PTPRM: variants seen among roughly 807,000 people sequenced by gnomAD.
PTPRM encodes the protein receptor-type tyrosine-protein phosphatase mu.
A neutral mutation model predicts 186.7 loss-of-function variants in PTPRM; 47 were observed. The observed-to-expected ratio is 0.25, with a 90% confidence interval of 0.20 to 0.32. The LOEUF (loss-of-function observed/expected upper bound fraction) is 0.32, where lower values mean the gene tolerates loss of function less well. Among genes scored for constraint, PTPRM ranks in the 10% least tolerant of loss-of-function variants. The pLI, the probability that PTPRM is intolerant of heterozygous loss-of-function variation, is 1.00. For missense variants in PTPRM, 1,494 were observed against 1,865.0 expected (o/e 0.80, Z 3.66); for synonymous variants, 668 against 674.9 (o/e 0.99, Z 0.16).
At chr18:7,657,931 A>G (rs1199054267) in intron 1 of PTPRM, among the ~76,000 whole-genome samples, 1 of 152,200 alleles carries the variant, frequency 6.6e-6, no homozygotes, top group Non-Finnish European at 1.5e-5. Context: ...TAGCAAATAA[A>G]AATTGTGTAT....
intron 7 of PTPRM, among the ~76,000 whole-genome samples, chr18:8,043,905 A>G (rs2086848781): frequency 6.6e-6 from 1 of 152,108 alleles, no homozygotes; most frequent in African/African-American, 2.4e-5. Context: ...ATCCATGTGA[A>G]ACCATCTGGG....
intron 1 of PTPRM, among the ~76,000 whole-genome samples, chr18:7,697,994 TAACAG>T (rs1356721328): frequency 6.6e-6 from 1 of 152,232 alleles, no homozygotes; most frequent in East Asian, 1.9e-4. Context: ...TTTGATGTGT[TAACAG>T]AAGAAATGTG....
At chr18:7,717,432 C>T (rs980924851) in intron 1 of PTPRM, among the ~76,000 whole-genome samples, 1 of 152,140 alleles carries the variant, frequency 6.6e-6, no homozygotes, top group Non-Finnish European at 1.5e-5. Context: ...CTTTTTGTCT[C>T]CCCTTCCTGC....
intron 19 of PTPRM, among the ~76,000 whole-genome samples, chr18:8,275,082 A>T (rs1225480807): frequency 6.6e-6 from 1 of 152,234 alleles, no homozygotes; most frequent in Non-Finnish European, 1.5e-5. Flanking sequence ...GATCATAAAA[A>T]TCAAAGCATC....
chr18:8,171,471 A>G (rs938302930), intron 14 of PTPRM, among the ~76,000 whole-genome samples: 2 of 152,154 alleles, frequency 1.3e-5, no homozygotes, highest in Admixed American at 6.6e-5. Context: ...AGGAAATGTC[A>G]CTCTGTAAAC....
chr18:7,577,663 TA>T (rs1360617986), intron 1 of PTPRM, among the ~76,000 whole-genome samples: 1 of 152,214 alleles, frequency 6.6e-6, no homozygotes, highest in African/African-American at 2.4e-5. Context: ...AACAACCTCA[TA>T]AACTGTGTTT....
chr18:8,243,990 A>G (rs1314326486), intron 14 of PTPRM, 68 bp from the exon 15 acceptor site: 1 of 1,430,422 alleles, frequency 7.0e-7, no homozygotes, highest in African/African-American at 1.5e-5. Context: ...AACATCTGTC[A>G]ATATACATGC....
At chr18:8,223,998 TAG>T (rs1413265540) in intron 14 of PTPRM, among the ~76,000 whole-genome samples, 1 of 152,180 alleles carries the variant, frequency 6.6e-6, no homozygotes, top group Admixed American at 6.5e-5. Context: ...AGAAGTATGG[TAG>T]AGTCTTTCTC....
intron 20 of PTPRM, among the ~76,000 whole-genome samples, chr18:8,305,060 T>C (rs1021856515): frequency 1.3e-5 from 2 of 152,090 alleles, no homozygotes; most frequent in African/African-American, 4.8e-5. Flanking sequence ...TAGACTCTTA[T>C]TAGACATGCT....
chr18:8,094,198 A>G (rs1001399123), intron 11 of PTPRM, among the ~76,000 whole-genome samples: 1 of 152,148 alleles, frequency 6.6e-6, no homozygotes, highest in African/African-American at 2.4e-5. Flanking sequence ...CTTGCAATGC[A>G]AAGTTTACCT....
intron 7 of PTPRM, among the ~76,000 whole-genome samples, chr18:8,008,534 A>C (rs2084325915): frequency 6.6e-6 from 1 of 152,206 alleles, no homozygotes; most frequent in African/African-American, 2.4e-5. Flanking sequence ...TTAGTTCAAA[A>C]CTTAAATAAC....
At chr18:7,907,930 A>G (rs536535316) in intron 4 of PTPRM, among the ~76,000 whole-genome samples, 5 of 151,664 alleles carry the variant, frequency 3.3e-5, no homozygotes, top group Admixed American at 2.6e-4. Flanking sequence ...TTTTAGGTCA[A>G]TCCATGGTAT....
intron 1 of PTPRM, among the ~76,000 whole-genome samples, chr18:7,676,627 C>CTGTG (rs751900694): frequency 0.012 from 1,666 of 141,438 alleles, 13 homozygotes; most frequent in South Asian, 0.032. Flanking sequence ...GAGATTCTAG[C>CTGTG]TGTGTGTGTG....
At chr18:8,028,294 G>A (rs2085706216) in intron 7 of PTPRM, among the ~76,000 whole-genome samples, 1 of 152,106 alleles carries the variant, frequency 6.6e-6, no homozygotes, top group African/African-American at 2.4e-5. Context: ...GCACCACCGT[G>A]CCCAGCCCAC....
intron 1 of PTPRM, among the ~76,000 whole-genome samples, chr18:7,731,866 A>G (rs1331824708): frequency 6.6e-6 from 1 of 152,236 alleles, no homozygotes; most frequent in Non-Finnish European, 1.5e-5. Context: ...TACTAACATT[A>G]GAGAACTGAT....
At chr18:7,916,644 A>C (rs538922660) in intron 4 of PTPRM, among the ~76,000 whole-genome samples, 4 of 152,288 alleles carry the variant, frequency 2.6e-5, no homozygotes, top group African/African-American at 9.6e-5. Context: ...TATTTTAAAT[A>C]ATAAAAACAA....
At chr18:7,984,602 T>TATATATATATATATATAC (rs1214502563) in intron 7 of PTPRM, among the ~76,000 whole-genome samples, 3 of 87,198 alleles carry the variant, frequency 3.4e-5, no homozygotes, top group African/African-American at 4.9e-5. Flanking sequence ...TATATATATA[T>TATATATATATATATATAC]ACACACACAC....
intron 23 of PTPRM, among the ~76,000 whole-genome samples, chr18:8,369,362 G>A (rs2095650684): frequency 6.6e-6 from 1 of 152,228 alleles, no homozygotes; most frequent in Non-Finnish European, 1.5e-5. Context: ...GAGAGTTTTT[G>A]TGGTATTGGG....
intron 7 of PTPRM, among the ~76,000 whole-genome samples, chr18:8,017,487 G>A (rs996023360): frequency 6.8e-6 from 1 of 146,892 alleles, no homozygotes; most frequent in Non-Finnish European, 1.5e-5. Context: ...GGAGGCTGAG[G>A]CAAGAGAATT....
Sources: allele counts gnomAD v4.1 joint callset (sites outside exome capture counted in the v4.1 genomes callset), GRCh38; gene constraint gnomAD v4.1.1; transcripts MANE v1.5; gene names NCBI Gene and HGNC (gene_info 2026-07-23, HGNC 2026-07-21).